The following SP3 variants were observed in gnomAD, a reference collection of about 807,000 sequenced individuals.
SP3 encodes the protein transcription factor Sp3.
In SP3, 10 loss-of-function variants were observed where a neutral mutation model predicts 70.3. That is an observed-to-expected ratio of 0.14 (90% CI 0.09 to 0.24). SP3 has a LOEUF of 0.24. Ranked by LOEUF, SP3 falls within the 10% of genes least tolerant of loss-of-function variation. SP3 has a pLI of 1.00. For synonymous variants in SP3, 402 were observed against 333.5 expected (o/e 1.21, Z -2.24); for missense variants, 825 against 914.6 (o/e 0.90, Z 1.26).
chr2:173,956,667 A>G (rs1690904066), intron 3 of SP3, among the ~76,000 whole-genome samples: 1 of 152,214 alleles, frequency 6.6e-6, no homozygotes, highest in African/African-American at 2.4e-5. Flanking sequence ...AAATCAAACA[A>G]TGAAATCTAC....
chr2:173,956,922 T>C (rs1690913714), intron 3 of SP3, among the ~76,000 whole-genome samples: 1 of 152,190 alleles, frequency 6.6e-6, no homozygotes, highest in Admixed American at 6.5e-5. Context: ...TTCAGTAGAA[T>C]GTCTGGCATA....
Position 173,956,557 on chromosome 2 carries a change from T to C in SP3, c.280-325A>G, listed in dbSNP as rs146710612. Among the ~76,000 whole-genome samples the C allele has an allele frequency of 5.3e-3, 801 of 152,350 alleles. 3 individuals are homozygous for C. Among genetic ancestry groups the C allele is most frequent in the African/African-American group, 0.018 (765 of 41,580 alleles). On this transcript the variant is annotated intron_variant, in intron 3 of 6. Coordinates refer to ENST00000310015, the MANE Select transcript of SP3 (RefSeq NM_003111.5). ...CACAAAACAAAACAGTGGAGATGGC[T>C]ATGACCAAATCAGGTGCATTATATT...
chr2:173,928,744 G>A (rs1441743145), intron 4 of SP3, among the ~76,000 whole-genome samples: 1 of 152,098 alleles, frequency 6.6e-6, no homozygotes, highest in Non-Finnish European at 1.5e-5. Context: ...ATAATTAGAG[G>A]ACCCTTAGTC....
At chr2:173,936,572 A>G (rs1489770461) in intron 4 of SP3, among the ~76,000 whole-genome samples, 2 of 152,216 alleles carry the variant, frequency 1.3e-5, no homozygotes, top group East Asian at 3.8e-4. Flanking sequence ...CTATAACAGC[A>G]TTTCCCAAAG....
chr2:173,953,876 T>C (rs1034492844), intron 4 of SP3, among the ~76,000 whole-genome samples: 1 of 152,036 alleles, frequency 6.6e-6, no homozygotes, highest in Non-Finnish European at 1.5e-5. Context: ...AAGGCTTAAA[T>C]GCAATTAAAG....
chr2:173,936,192 T>C (rs1230371426), intron 4 of SP3, among the ~76,000 whole-genome samples: 1 of 152,018 alleles, frequency 6.6e-6, no homozygotes, highest in African/African-American at 2.4e-5. Flanking sequence ...ACCTGGCTAA[T>C]TTTTTTCTAT....
intron 3 of SP3, among the ~76,000 whole-genome samples, chr2:173,960,890 G>A (rs1390288095): frequency 6.6e-6 from 1 of 152,078 alleles, no homozygotes; most frequent in African/African-American, 2.4e-5. Flanking sequence ...GCAGGAGAAT[G>A]CTGTGAACCC....
chr2:173,958,793 T>C (rs1032077186), intron 3 of SP3, among the ~76,000 whole-genome samples: 2 of 150,000 alleles, frequency 1.3e-5, no homozygotes, highest in Admixed American at 1.3e-4. Flanking sequence ...AAAAAAAAGC[T>C]CAGAACTGAG....
intron 4 of SP3, among the ~76,000 whole-genome samples, chr2:173,920,811 G>A (rs1190456847): frequency 1.1e-4 from 16 of 151,796 alleles, no homozygotes; most frequent in Non-Finnish European, 2.1e-4. Flanking sequence ...GGCTGGTCTC[G>A]AACTCCTGAC....
chr2:173,965,016 A>T (rs1390799900), intron 1 of SP3, 149 bp downstream of exon 1: 4 of 966,920 alleles, frequency 4.1e-6, no homozygotes, highest in Non-Finnish European at 6.0e-6. Flanking sequence ...GAGGGGAGGG[A>T]GGCGCAGGGG....
At chr2:173,925,082 T>A (rs1007002232) in intron 4 of SP3, among the ~76,000 whole-genome samples, 1 of 152,174 alleles carries the variant, frequency 6.6e-6, no homozygotes, top group African/African-American at 2.4e-5. Context: ...GAGACCGAGT[T>A]TCGCCATGTT....
intron 4 of SP3, among the ~76,000 whole-genome samples, chr2:173,948,589 G>T (rs994542881): frequency 6.6e-6 from 1 of 152,040 alleles, no homozygotes; most frequent in African/African-American, 2.4e-5. Context: ...TGTAAAAAGT[G>T]TATATGCAGT....
Position 173,901,851 on chromosome 2 carries a change from G to A in SP3, c.*8090C>T, listed in dbSNP as rs1033602387. ...CGAGTAGCTGGGATTGCAGGCATGC[G>A]CCACCACCCCCAGCTAATTTTGTAC... is the stretch of plus-strand genomic sequence containing the variant. On this transcript the variant is annotated 3_prime_UTR_variant, in exon 7 of 7. Coordinates refer to ENST00000310015, the MANE Select transcript of SP3 (RefSeq NM_003111.5). Among the ~76,000 whole-genome samples the A allele has an allele frequency of 4.6e-5, 7 of 151,926 alleles. No individual in the cohort carries two copies. The highest frequency in any genetic ancestry group is 1.5e-4 in the African/African-American group (6 of 41,350).
chr2:173,905,699 C>G lies in SP3; in HGVS notation c.*4242G>C, dbSNP rs1689297202. On this transcript the variant is annotated 3_prime_UTR_variant, in exon 7 of 7. Transcript: ENST00000310015. ...TGGGAAAAAAAAAAACCTTGTATAC[C>G]CTTTAGACTCCAGATTTGGCCAAGC... is the stretch of plus-strand genomic sequence containing the variant. 6.6e-6 allele frequency among the ~76,000 whole-genome samples: 1 copy of G among 151,896 alleles called. No individual in the cohort carries two copies. Among genetic ancestry groups the G allele is most frequent in the Non-Finnish European group, 1.5e-5 (1 of 67,956 alleles).
intron 5 of SP3, among the ~76,000 whole-genome samples, chr2:173,918,378 A>G (rs1360410091): frequency 6.6e-6 from 1 of 152,072 alleles, no homozygotes; most frequent in African/African-American, 2.4e-5. Context: ...ACTATTTTTG[A>G]AACAGCAAAC....
intron 4 of SP3, among the ~76,000 whole-genome samples, chr2:173,948,222 C>A (rs1202544840): frequency 6.6e-6 from 1 of 152,120 alleles, no homozygotes; most frequent in Non-Finnish European, 1.5e-5. Flanking sequence ...ATACCCTTAT[C>A]CAAGGTTTTG....
rs1689527278 is a variant in SP3 at position 173,912,910 on chromosome 2, T to A, written c.2029+160A>T. On this transcript the variant is annotated intron_variant, in intron 6 of 6. Transcript: ENST00000310015. ...AGCCAGACTGACTTGTTCTTTGGAATTTGTGTTATTAAGATGGTGTTACTA... is the reference window on the plus strand; with the variant it reads ...AGCCAGACTGACTTGTTCTTTGGAAATTGTGTTATTAAGATGGTGTTACTA... Among the ~76,000 whole-genome samples, 3 of 152,220 alleles carry A rather than the reference T, an allele frequency of 2.0e-5. No homozygotes were observed. In the East Asian group the frequency reaches 5.8e-4, roughly 29 times the overall value.
chr2:173,910,262 T>TA lies in SP3; in HGVS notation c.2030-6dup. On this transcript the variant is annotated splice_region_variant and splice_polypyrimidine_tract_variant and intron_variant, in intron 6 of 6. Coordinates refer to ENST00000310015, the MANE Select transcript of SP3 (RefSeq NM_003111.5). The stretch of plus-strand genomic sequence containing the variant: ...GACAAACAAATTTCTTCTCACCTGT[T>TA]AAGAAAAAAATTAAGTTACTTGGTT... 6.2e-7 allele frequency: 1 copy of TA among 1,611,082 alleles called. No individual in the cohort carries two copies. The highest frequency in any genetic ancestry group is 1.1e-5 in the South Asian group (1 of 90,560).
In SP3 at chr2:173,909,214, A is replaced by G. The variant is rs1392586994; in HGVS notation, c.*727T>C. 5 of 152,604 alleles carry G rather than the reference A, an allele frequency of 3.3e-5. No homozygotes were observed. The highest frequency in any genetic ancestry group is 1.3e-4 in the Admixed American group (2 of 15,288). The allele number at this position is 152,604 out of a possible 1,614,324, so 9.5% of individuals were successfully genotyped here. On this transcript the variant is annotated 3_prime_UTR_variant, in exon 7 of 7. Coordinates refer to ENST00000310015, the MANE Select transcript of SP3 (RefSeq NM_003111.5). Reference sequence around the variant, plus strand: ...CCAAATGCCTCAACTTATACATTTTAAACTTTTTTAAACATTGGTTATATT... The same window carrying G: ...CCAAATGCCTCAACTTATACATTTTGAACTTTTTTAAACATTGGTTATATT...
Sources: gnomAD v4.1 joint callset for allele counts (sites outside exome capture counted in the v4.1 genomes callset) on GRCh38, gnomAD v4.1.1 for gene constraint, MANE v1.5 for transcripts, NCBI Gene and HGNC (gene_info 2026-07-23, HGNC 2026-07-21) for gene names.